PCDHGA10: variants seen among roughly 807,000 people sequenced by gnomAD.
PCDHGA10 encodes protocadherin gamma-A10.
Under a neutral mutation model 59.5 loss-of-function variants are expected in PCDHGA10, and 42 were observed. The observed-to-expected ratio is 0.71, with a 90% CI of 0.55 to 0.91. PCDHGA10 has a LOEUF of 0.91. Ranked by LOEUF, PCDHGA10 falls within the 40% of genes least tolerant of loss-of-function variation. The pLI, the probability that PCDHGA10 is intolerant of heterozygous loss-of-function variation, is 0.00. For missense variants in PCDHGA10, 1,111 were observed against 1,198.2 expected, an observed-to-expected ratio of 0.93 and a Z score of 1.07; for synonymous variants, 511 against 517.2, an observed-to-expected ratio of 0.99 and a Z score of 0.16.
chr5:141,418,941 C>T, intron 1 of PCDHGA10: 1 of 1,614,034 alleles, frequency 6.2e-7, no homozygotes, highest in Non-Finnish European at 8.5e-7. Context: ...GAGGATTCCC[C>T]TCCAGGAGTG....
At chr5:141,449,818 A>G (rs1446661913) in intron 1 of PCDHGA10, among the ~76,000 whole-genome samples, 2 of 151,708 alleles carry the variant, frequency 1.3e-5, no homozygotes, top group Non-Finnish European at 2.9e-5. Flanking sequence ...GTATTTCCTA[A>G]CAAGGACATT....
rs761704779 is a variant in PCDHGA10 at position 141,486,764 on chromosome 5, C to T, written c.2437-8043C>T. ...CTTTGACTATGAGCAAACCCAGACA[C>T]TGCAGTTTGAGGTGCAGGCCCGGGA... On this transcript the variant is annotated intron_variant, in intron 1 of 3. Transcript: ENST00000398610. This position sits in a 1 kb window ranked among gnomAD's most constrained non-coding sequence, Gnocchi z 5.0. 6.2e-7 allele frequency: 1 copy of T among 1,614,264 alleles called. No homozygotes were observed. The highest frequency in any genetic ancestry group is 2.2e-5 in the East Asian group (1 of 44,880).
intron 1 of PCDHGA10, chr5:141,441,837 G>A (rs952709777): frequency 2.8e-6 from 1 of 354,138 alleles, no homozygotes. Context: ...ATGGCTTCGC[G>A]CTCTTGGATA....
intron 1 of PCDHGA10, chr5:141,421,360 T>G (rs549572548): frequency 6.2e-7 from 1 of 1,613,980 alleles, no homozygotes; most frequent in African/African-American, 1.3e-5. Context: ...AAAGGGCTCC[T>G]TCGTGGGCAA....
chr5:141,439,390 C>T (rs528547728), intron 1 of PCDHGA10, among the ~76,000 whole-genome samples: 1 of 152,266 alleles, frequency 6.6e-6, no homozygotes, highest in South Asian at 2.1e-4. Flanking sequence ...GTCATCACTT[C>T]GACTTCATGT....
intron 1 of PCDHGA10, chr5:141,427,298 G>C (rs960474831): frequency 4.4e-6 from 2 of 456,752 alleles, no homozygotes; most frequent in East Asian, 1.4e-4. Context: ...TCCTAGATGA[G>C]AATGACAATG....
At chr5:141,450,796 G>GTATT (rs1490825772) in intron 1 of PCDHGA10, among the ~76,000 whole-genome samples, 8 of 145,976 alleles carry the variant, frequency 5.5e-5, no homozygotes, top group African/African-American at 1.8e-4. Flanking sequence ...CCTCATGATT[G>GTATT]TATTTATTTA....
chr5:141,457,997 G>A (rs2098934533), intron 1 of PCDHGA10, among the ~76,000 whole-genome samples: 1 of 152,152 alleles, frequency 6.6e-6, no homozygotes, highest in Non-Finnish European at 1.5e-5. Context: ...TAAAGCCTTG[G>A]CAAAATAACC....
intron 1 of PCDHGA10, among the ~76,000 whole-genome samples, chr5:141,447,724 A>T (rs2098549653): frequency 6.6e-6 from 1 of 152,126 alleles, no homozygotes. Flanking sequence ...ATTTTCCAAA[A>T]CTCATTGAAC....
chr5:141,435,795 G>A (rs150143106), intron 1 of PCDHGA10, among the ~76,000 whole-genome samples: 16 of 152,032 alleles, frequency 1.1e-4, no homozygotes, highest in Admixed American at 2.0e-4. Flanking sequence ...GAAACATAAC[G>A]TCCCAATTAT....
At position 141,486,141 on chromosome 5, in the gene PCDHGA10, G is replaced by A. The variant is rs369317501; in HGVS notation, c.2437-8666G>A. 28 of 1,614,066 alleles carry A rather than the reference G, an allele frequency of 1.7e-5. No homozygotes were observed. The highest frequency in any genetic ancestry group is 2.3e-5 in the Non-Finnish European group (27 of 1,180,044). On this transcript the variant is annotated intron_variant, in intron 1 of 3. Transcript: ENST00000398610. This position sits in a 1 kb window ranked among gnomAD's most constrained non-coding sequence, Gnocchi z 5.0. ...TACTATGAATTTGATGTGCGGGCTC[G>A]CGATGGGGGTTCTCCAGCCATGGAG...
intron 1 of PCDHGA10, among the ~76,000 whole-genome samples, chr5:141,464,404 T>G (rs1224596546): frequency 6.6e-6 from 1 of 151,532 alleles, no homozygotes; most frequent in African/African-American, 2.4e-5. Flanking sequence ...GAACCTGAGA[T>G]ATATATATAT....
chr5:141,422,151 G>A (rs763343536), intron 1 of PCDHGA10: 1 of 1,575,938 alleles, frequency 6.3e-7, no homozygotes, highest in Admixed American at 2.0e-5. Flanking sequence ...GGGGGTCTCT[G>A]GATTTTGAAA....
rs768648952 is a variant in PCDHGA10, at chr5:141,477,230, G to T, written c.2437-17577G>T. 14 of 1,614,046 alleles carry T rather than the reference G, an allele frequency of 8.7e-6. No homozygotes were observed. The highest frequency in any genetic ancestry group is 4.0e-5 in the African/African-American group (3 of 74,916). On this transcript the variant is annotated intron_variant, in intron 1 of 3. Transcript: ENST00000398610. The surrounding 1 kb of genome is among the most constrained non-coding windows in gnomAD (Gnocchi z 4.9). Reference sequence around the variant, plus strand: ...GGATGCCCCTCTGGGGACTGTCATCGCTTTGCTCAGTGTGACTGACCTGGA... The same window carrying T: ...GGATGCCCCTCTGGGGACTGTCATCTCTTTGCTCAGTGTGACTGACCTGGA...
At position 141,450,006 on chromosome 5, in the gene PCDHGA10, C is replaced by CTATTTTTTTTTTT. The variant is rs70988802; in HGVS notation, c.2436+34396_2436+34397insATTTTTTTTTTTT. Among the ~76,000 whole-genome samples, 4 of 132,982 alleles carry CTATTTTTTTTTTT rather than the reference C, an allele frequency of 3.0e-5. 1 individual carries two copies. The highest frequency in any genetic ancestry group is 5.6e-5 in the African/African-American group (2 of 35,576). 87.2% of individuals were successfully genotyped at this position (132,982 alleles called of 152,430 possible). A position where few individuals can be genotyped will look rare whatever the true frequency, so the allele number is the denominator to read the frequency against. Reference sequence around the variant, plus strand: ...CACATTGCATTTAGTTGCCATGTCTCTTTTTTTTTTTTTTTTTTGAGACAG... The same window carrying CTATTTTTTTTTTT: ...CACATTGCATTTAGTTGCCATGTCTCTATTTTTTTTTTTTTTTTTTTTTTTTTTTTTGAGACAG... On this transcript the variant is annotated intron_variant, in intron 1 of 3. Transcript: ENST00000398610.
Position 141,491,757 on chromosome 5 carries a change from C to G in PCDHGA10, c.2437-3050C>G. ...CTGGGGGCGGCACTGGAGAAGCCGC[C>G]CGTCCTCATAAGGGATTGAACTTGC... On this transcript the variant is annotated intron_variant, in intron 1 of 3. Coordinates refer to ENST00000398610, the MANE Select transcript of PCDHGA10 (RefSeq NM_018913.3). This position sits in a 1 kb window ranked among gnomAD's most constrained non-coding sequence, Gnocchi z 6.9. 1 of 1,580,374 alleles carries G rather than the reference C, an allele frequency of 6.3e-7. No individual in the cohort carries two copies. The highest frequency in any genetic ancestry group is 1.9e-5 in the Admixed American group (1 of 53,534).
chr5:141,494,048 G>C (rs764072099), intron 1 of PCDHGA10, among the ~76,000 whole-genome samples: 3 of 152,148 alleles, frequency 2.0e-5, no homozygotes, highest in Non-Finnish European at 2.9e-5. Flanking sequence ...GGCCCTGCTT[G>C]GAGGCTGTGG....
intron 1 of PCDHGA10, among the ~76,000 whole-genome samples, chr5:141,437,490 A>C (rs549866784): frequency 6.6e-6 from 1 of 152,190 alleles, no homozygotes; most frequent in African/African-American, 2.4e-5. Flanking sequence ...AATCTCGTAG[A>C]TCACTTTTCA....
chr5:141,420,251 G>A lies in PCDHGA10; in HGVS notation c.2436+4640G>A, dbSNP rs778777293. ...TAGCATTTTAACTCCCAGCGTTGAA[G>A]CAGATAAGAAGATTCTTAAACAGGT... is the stretch of plus-strand genomic sequence containing the variant. On this transcript the variant is annotated intron_variant, in intron 1 of 3. Transcript: ENST00000398610. The A allele has an allele frequency of 2.9e-5, 46 of 1,578,746 alleles. No homozygotes were observed. In the South Asian group the frequency reaches 4.5e-4, roughly 15 times the overall value.
Sources: allele counts gnomAD v4.1 joint callset (sites outside exome capture counted in the v4.1 genomes callset), GRCh38; gene constraint gnomAD v4.1.1; non-coding constraint Gnocchi (gnomAD v3.1); transcripts MANE v1.5; gene names NCBI Gene and HGNC (gene_info 2026-07-23, HGNC 2026-07-21).